The following GTF3A variants were observed in gnomAD, a reference collection of about 807,000 sequenced individuals.
GTF3A encodes the protein transcription factor IIIA.
GTF3A carries 40 observed loss-of-function variants against 37.6 expected under a neutral mutation model. The ratio of observed to expected loss-of-function variants is 1.06; its 90% CI spans 0.83 to 1.38. The LOEUF is 1.38. Ranked by LOEUF, GTF3A falls within the 40% of genes most tolerant of loss-of-function variation. The probability of loss-of-function intolerance (pLI) is 0.00; values close to 1 mark genes in which losing one functional copy is unlikely to be tolerated. For missense variants in GTF3A, 500 were observed against 462.6 expected, an observed-to-expected ratio of 1.08 and a Z score of -0.74; for synonymous variants, 191 against 166.7, an observed-to-expected ratio of 1.15 and a Z score of -1.12.
At chr13:27,429,114 CCT>C (rs1953633746) in intron 2 of GTF3A, 1 of 151,676 alleles carries the variant, frequency 6.6e-6, no homozygotes. Context: ...CATTTGTGGG[CCT>C]CTGTGCTGTG....
chr13:27,427,416 A>C (rs1953615508), intron 2 of GTF3A, among the ~76,000 whole-genome samples: 3 of 152,182 alleles, frequency 2.0e-5, no homozygotes. Context: ...CGTATGTACA[A>C]AAATACAAAA....
At chr13:27,434,777 T>C in intron 6 of GTF3A, 28 bp from the exon 7 acceptor site, 1 of 1,365,422 alleles carries the variant, frequency 7.3e-7, no homozygotes, top group East Asian at 2.3e-5. Context: ...TGGGGAAATT[T>C]GTGAAATTTG....
rs916746211 is a variant in GTF3A, at chr13:27,434,945, A to T, written c.784A>T (p.Asn262Tyr). 2 of 1,610,960 alleles carry T rather than the reference A, an allele frequency of 1.2e-6. No individual in the cohort carries two copies. The highest frequency in any genetic ancestry group is 1.7e-4 in the Middle Eastern group (1 of 6,056). ...TGGAAGAACCTATACAACTGTGTTTAATCTCCAAAGCCATATCCTCTCCTT... is the reference window on the plus strand; with the variant it reads ...TGGAAGAACCTATACAACTGTGTTTTATCTCCAAAGCCATATCCTCTCCTT... The change falls in exon 7 of 9, where the codon AAT becomes TAT. Residue 262 changes from asparagine (N) to tyrosine (Y), a missense_variant. By Grantham distance (143) the Asn-to-Tyr change is moderately radical. Transcript: ENST00000381140.
At chr13:27,433,841 C>T (rs1359076235) in intron 5 of GTF3A, among the ~76,000 whole-genome samples, 3 of 152,150 alleles carry the variant, frequency 2.0e-5, no homozygotes, top group African/African-American at 4.8e-5. Context: ...GAAAAGGCAT[C>T]CTTAGGCATC....
intron 1 of GTF3A, 111 bp from the exon 2 acceptor site, chr13:27,426,981 A>G: frequency 1.5e-6 from 1 of 649,740 alleles, no homozygotes; most frequent in Non-Finnish European, 2.8e-6. Context: ...AGTAGAAACC[A>G]CCTCTTCATA....
At chr13:27,433,430 T>C (rs185566994) in intron 5 of GTF3A, among the ~76,000 whole-genome samples, 205 of 151,950 alleles carry the variant, frequency 1.3e-3, no homozygotes, top group African/African-American at 4.8e-3. Flanking sequence ...TTAATCCCAT[T>C]TTAGTGCTTT....
chr13:27,432,983 C>T (rs1248996904), intron 5 of GTF3A, among the ~76,000 whole-genome samples, 179 bp downstream of exon 5: 3 of 152,274 alleles, frequency 2.0e-5, no homozygotes, highest in Non-Finnish European at 2.9e-5. Flanking sequence ...TTTCCACTAC[C>T]GTATCATTGC....
chr13:27,432,769 C>A lies in GTF3A; in HGVS notation c.527C>A (p.Pro176His). ...GGATGTGGGAAACACTTTGCATCACCCAGCAAGCTGAAACGACATGCCAAG... is the reference window on the plus strand; with the variant it reads ...GGATGTGGGAAACACTTTGCATCACACAGCAAGCTGAAACGACATGCCAAG... Residue 176 changes from proline to histidine, a missense_variant, in exon 5 of 9, where the codon CCC becomes CAC. Physicochemically the swap from Pro to His is moderately conservative, Grantham distance 77. Coordinates refer to ENST00000381140, the MANE Select transcript of GTF3A (RefSeq NM_002097.3). The A allele has an allele frequency of 6.2e-7, 1 of 1,606,164 alleles. No individual in the cohort carries two copies. Among genetic ancestry groups the A allele is most frequent in the East Asian group, 2.2e-5 (1 of 44,626 alleles).
chr13:27,430,144 CAG>C (rs1236821560), intron 3 of GTF3A, among the ~76,000 whole-genome samples, 178 bp downstream of exon 3: 1 of 148,562 alleles, frequency 6.7e-6, no homozygotes, highest in East Asian at 2.0e-4. Flanking sequence ...AAAACAAAAA[CAG>C]AAAACAAAAC....
intron 5 of GTF3A, among the ~76,000 whole-genome samples, chr13:27,433,385 G>A (rs1953675499): frequency 6.6e-6 from 1 of 150,744 alleles, no homozygotes; most frequent in Non-Finnish European, 1.5e-5. Context: ...TTAGTTTCTA[G>A]TTGGGTGGAA....
intron 4 of GTF3A, among the ~76,000 whole-genome samples, chr13:27,431,393 C>T (rs915775236): frequency 1.3e-5 from 2 of 152,058 alleles, no homozygotes; most frequent in African/African-American, 4.8e-5. Flanking sequence ...ATTTAAGTGC[C>T]CATCGACCAA....
Position 27,429,973 on chromosome 13 carries a change from A to C in GTF3A, c.399+7A>C. 7.4e-7 allele frequency: 1 copy of C among 1,347,938 alleles called. No homozygotes were observed. Among genetic ancestry groups the C allele is most frequent in the Non-Finnish European group, 1.0e-6 (1 of 986,548 alleles). 83.5% of individuals were successfully genotyped at this position (1,347,938 alleles called of 1,614,324 possible). On this transcript the variant is annotated splice_region_variant and intron_variant, in intron 3 of 8. Transcript: ENST00000381140. ...TCAACAAAAACAATATATAGTAAGTATGATTTTATATGCTTAAATTTTTTG... is the reference window on the plus strand; with the variant it reads ...TCAACAAAAACAATATATAGTAAGTCTGATTTTATATGCTTAAATTTTTTG...
chr13:27,435,077 T>C lies in GTF3A; in HGVS notation c.873+43T>C, dbSNP rs146032602. 859 of 1,561,106 alleles carry C rather than the reference T, an allele frequency of 5.5e-4. No individual in the cohort carries two copies. In the African/African-American group the frequency reaches 9.9e-3, roughly 18 times the overall value. ...TACTCATGGTCCTATAGTCTATGCT[T>C]TCACAACATGGTTTTCATATTAATA... On this transcript the variant is annotated intron_variant, in intron 7 of 8. Coordinates refer to ENST00000381140, the MANE Select transcript of GTF3A (RefSeq NM_002097.3).
chr13:27,430,993 G>C (rs1593179013), intron 4 of GTF3A, among the ~76,000 whole-genome samples: 3 of 152,016 alleles, frequency 2.0e-5, no homozygotes, highest in Non-Finnish European at 4.4e-5. Context: ...AGAATTCTTT[G>C]CCTAGGCTGA....
intron 7 of GTF3A, 32 bp downstream of exon 7, chr13:27,435,066 T>C (rs1264000311): frequency 2.0e-6 from 3 of 1,536,322 alleles, no homozygotes; most frequent in African/African-American, 2.7e-5. Flanking sequence ...CATGGTCCTA[T>C]AGTCTATGCT....
intron 6 of GTF3A, 80 bp from the exon 7 acceptor site, chr13:27,434,725 T>TA: frequency 1.4e-6 from 1 of 717,700 alleles, no homozygotes; most frequent in Non-Finnish European, 2.4e-6. Flanking sequence ...CACTGAATGT[T>TA]ACTTATATAT....
chr13:27,426,820 G>A (rs1188160208), intron 1 of GTF3A, among the ~76,000 whole-genome samples: 2 of 152,186 alleles, frequency 1.3e-5, no homozygotes, highest in African/African-American at 4.8e-5. Flanking sequence ...CTGCTGCCGG[G>A]TTGGGAGCAG....
At chr13:27,425,302 C>T (rs961157982) in intron 1 of GTF3A, 1 of 231,862 alleles carries the variant, frequency 4.3e-6, no homozygotes, top group Non-Finnish European at 8.4e-6. Flanking sequence ...TACCAGGGGT[C>T]GTGAAAGCAG....
chr13:27,435,518 C>CT lies in GTF3A; in HGVS notation c.1022dup (p.Leu341PhefsTer59). On this transcript the variant is annotated frameshift_variant, in exon 9 of 9. Coordinates refer to ENST00000381140, the MANE Select transcript of GTF3A (RefSeq NM_002097.3). LOFTEE classifies it low-confidence loss of function (END_TRUNC). ...AAAAGGAAACAAGGGCAAGGCTTAT[C>CT]TTTGTGTCAAAACGGAGAGTCACCC... The CT allele has an allele frequency of 6.2e-7, 1 of 1,613,364 alleles. No individual in the cohort carries two copies. Among genetic ancestry groups the CT allele is most frequent in the Non-Finnish European group, 8.5e-7 (1 of 1,179,410 alleles).
Sources: allele counts gnomAD v4.1 joint callset (sites outside exome capture counted in the v4.1 genomes callset), GRCh38; gene constraint gnomAD v4.1.1; transcripts MANE v1.5; gene names NCBI Gene and HGNC (gene_info 2026-07-23, HGNC 2026-07-21).